Variants in RUFY1 observed in about 807,000 individuals in gnomAD.
RUFY1 encodes RUN and FYVE domain containing 1, also known as RUN and FYVE domain-containing protein 1.
Under a neutral mutation model 94.6 loss-of-function variants are expected in RUFY1, and 54 were observed. That is an observed-to-expected ratio of 0.57 (90% CI 0.46 to 0.72). The LOEUF (loss-of-function observed/expected upper bound fraction) is 0.72. RUFY1 is among the 30% of genes least tolerant of loss of function. The pLI, the probability that RUFY1 is intolerant of heterozygous loss-of-function variation, is 0.00. For missense variants in RUFY1, 883 were observed against 883.9 expected (o/e 1.00, Z 0.01); for synonymous variants, 396 against 347.3 (o/e 1.14, Z -1.56).
chr5:179,607,418 A>T, intron 16 of RUFY1, 164 bp from the exon 17 acceptor site: 1 of 647,180 alleles, frequency 1.5e-6, no homozygotes, highest in South Asian at 1.8e-5. Flanking sequence ...CAGACGGGGA[A>T]AGAGCCCCTT....
chr5:179,553,077 GTTTT>G (rs1329980863), intron 1 of RUFY1, among the ~76,000 whole-genome samples: 1 of 152,226 alleles, frequency 6.6e-6, no homozygotes, highest in African/African-American at 2.4e-5. Flanking sequence ...TTGAATTTGT[GTTTT>G]TTAAGTGAAG....
chr5:179,559,712 G>A (rs1161932740), intron 1 of RUFY1: 2 of 1,067,008 alleles, frequency 1.9e-6, no homozygotes, highest in South Asian at 3.5e-5. Flanking sequence ...CCGGGGTTGC[G>A]GGAGAAGCCA....
chr5:179,596,910 CT>C, intron 13 of RUFY1: 1 of 511,204 alleles, frequency 2.0e-6, no homozygotes, highest in Non-Finnish European at 3.4e-6. Context: ...GATCTGGCCA[CT>C]CTCAAACCAT....
At chr5:179,596,496 C>A in intron 12 of RUFY1, 66 bp from the exon 13 acceptor site, 1 of 1,593,642 alleles carries the variant, frequency 6.3e-7, no homozygotes, top group Non-Finnish European at 8.6e-7. Context: ...GAATTTCAGC[C>A]AGCAAAAGTC....
intron 1 of RUFY1, among the ~76,000 whole-genome samples, chr5:179,556,170 C>T (rs1363862239): frequency 2.0e-5 from 3 of 152,108 alleles, no homozygotes; most frequent in African/African-American, 4.8e-5. Context: ...ATAATTACCA[C>T]CATCCATCTT....
intron 1 of RUFY1, among the ~76,000 whole-genome samples, chr5:179,552,354 C>T (rs748865224): frequency 1.3e-5 from 2 of 152,102 alleles, no homozygotes; most frequent in Non-Finnish European, 2.9e-5. Context: ...TCATAGCACA[C>T]ACTCGAGGCT....
Position 179,609,470 on chromosome 5 carries a change from A to G in RUFY1, c.2078A>G (p.Asp693Gly). Residue 693 changes from aspartate to glycine, a missense_variant, in exon 18 of 18, where the codon GAC (aspartate) becomes GGC (glycine). By Grantham distance (94) the Asp-to-Gly change is moderately conservative. Transcript: ENST00000319449. Reference sequence around the variant, plus strand: ...TACCCCAAGCCGGTGCGAGTGTGCGACAGCTGCCACACCCTGCTCCTGCAG... The same window carrying G: ...TACCCCAAGCCGGTGCGAGTGTGCGGCAGCTGCCACACCCTGCTCCTGCAG... ...PSYPKPVRVC[D>G]SCHTLLLQRC... 4 of 1,610,630 alleles carry G rather than the reference A, an allele frequency of 2.5e-6. No homozygotes were observed. In the African/African-American group the frequency reaches 4.0e-5, roughly 16 times the overall value.
intron 4 of RUFY1, among the ~76,000 whole-genome samples, chr5:179,568,020 T>C (rs1484360445): frequency 6.6e-6 from 1 of 152,222 alleles, no homozygotes; most frequent in Non-Finnish European, 1.5e-5. Context: ...CAAGGCAGGC[T>C]GATCACTTGA....
intron 8 of RUFY1, among the ~76,000 whole-genome samples, chr5:179,586,958 T>G (rs1420228271): frequency 6.6e-6 from 1 of 152,184 alleles, no homozygotes; most frequent in Non-Finnish European, 1.5e-5. Context: ...ACTCGAGTTG[T>G]TTGATTTTAG....
chr5:179,600,537 C>T (rs1308773668), intron 14 of RUFY1, among the ~76,000 whole-genome samples: 5 of 152,208 alleles, frequency 3.3e-5, no homozygotes, highest in African/African-American at 4.8e-5. Context: ...AACCACCTTT[C>T]AAACTAGTCT....
chr5:179,562,929 A>G, intron 3 of RUFY1: 1 of 354,016 alleles, frequency 2.8e-6, no homozygotes, highest in East Asian at 5.7e-5. Flanking sequence ...AGGAAAAGGA[A>G]CTACTGGTAC....
chr5:179,574,728 T>C (rs527807069), intron 5 of RUFY1, among the ~76,000 whole-genome samples: 1 of 152,044 alleles, frequency 6.6e-6, no homozygotes, highest in African/African-American at 2.4e-5. Context: ...CTGTTCTCAT[T>C]TATAATGTGT....
intron 2 of RUFY1, among the ~76,000 whole-genome samples, chr5:179,560,591 T>TGA: frequency 6.7e-6 from 1 of 149,432 alleles, no homozygotes; most frequent in Non-Finnish European, 1.5e-5. Flanking sequence ...CTGGGCGTGG[T>TGA]AGCGGGCGCC....
intron 1 of RUFY1, among the ~76,000 whole-genome samples, chr5:179,555,198 G>A (rs189915934): frequency 6.6e-6 from 1 of 152,110 alleles, no homozygotes; most frequent in African/African-American, 2.4e-5. Context: ...TGCTGGCGGG[G>A]TGCAGGTGGC....
At chr5:179,559,053 C>T (rs1226462590) in intron 1 of RUFY1, among the ~76,000 whole-genome samples, 1 of 152,198 alleles carries the variant, frequency 6.6e-6, no homozygotes, top group South Asian at 2.1e-4. Context: ...AAAAACAATA[C>T]GATCCCCCGC....
chr5:179,599,043 A>G (rs1321609755), intron 14 of RUFY1, among the ~76,000 whole-genome samples: 1 of 152,238 alleles, frequency 6.6e-6, no homozygotes, highest in Non-Finnish European at 1.5e-5. Flanking sequence ...TGCCATGAAG[A>G]GAATAAAGCA....
intron 10 of RUFY1, among the ~76,000 whole-genome samples, chr5:179,592,006 C>T (rs1320054447): frequency 1.3e-5 from 2 of 151,970 alleles, no homozygotes; most frequent in African/African-American, 2.4e-5. Context: ...AGTGCGATGG[C>T]GCGATCTTGG....
chr5:179,569,166 A>G (rs973882148), intron 4 of RUFY1, 136 bp from the exon 5 acceptor site: 1 of 1,541,784 alleles, frequency 6.5e-7, no homozygotes, highest in Non-Finnish European at 8.7e-7. Flanking sequence ...GTGAAGAGAA[A>G]TGAAAGGGAG....
At chr5:179,555,856 T>G (rs1762093566) in intron 1 of RUFY1, 2 of 255,194 alleles carry the variant, frequency 7.8e-6, no homozygotes, top group Admixed American at 1.1e-4. Flanking sequence ...TTTTTTGGAT[T>G]TTTAGTAGAG....
Sources: allele counts gnomAD v4.1 joint callset (sites outside exome capture counted in the v4.1 genomes callset), GRCh38; gene constraint gnomAD v4.1.1; transcripts MANE v1.5; gene names NCBI Gene and HGNC (gene_info 2026-07-23, HGNC 2026-07-21).